RAB15: variants seen among roughly 807,000 people sequenced by gnomAD.
RAB15 encodes RAB15, member RAS oncogene family, also known as ras-related protein Rab-15.
Under a neutral mutation model 31.8 loss-of-function variants are expected in RAB15, and 13 were observed. The ratio of observed to expected loss-of-function variants is 0.41; its 90% CI spans 0.27 to 0.65. RAB15 has a LOEUF of 0.65. RAB15 is among the 30% of genes least tolerant of loss of function. The probability of loss-of-function intolerance (pLI) is 0.32; values close to 1 mark genes in which losing one functional copy is unlikely to be tolerated. For missense variants in RAB15, 220 were observed against 277.3 expected, an observed-to-expected ratio of 0.79 and a Z score of 1.47; for synonymous variants, 100 against 105.6, an observed-to-expected ratio of 0.95 and a Z score of 0.33.
rs2140010978 is a variant in RAB15, at chr14:64,972,264, C to T, written c.-188G>A. ...CGCTGGGTGCCGGGAAGCGCGGCTG[C>T]GGCGGGAGCCCGGCGCGGCGCCCGC... On this transcript the variant is annotated 5_prime_UTR_variant, in exon 1 of 7. Transcript: ENST00000533601. This position sits in a 1 kb window ranked among gnomAD's most constrained non-coding sequence, Gnocchi z 6.3. 1 of 223,126 alleles carries T rather than the reference C, an allele frequency of 4.5e-6. No homozygotes were observed. The highest frequency in any genetic ancestry group is 7.4e-6 in the Non-Finnish European group (1 of 135,440). 13.8% of individuals were successfully genotyped at this position (223,126 alleles called of 1,614,324 possible). A position where few individuals can be genotyped will look rare whatever the true frequency, so the allele number is the denominator to read the frequency against.
chr14:64,951,772 A>G lies in RAB15; in HGVS notation c.186-109T>C. Reference sequence around the variant, plus strand: ...GAAAAACTGGGGAGCTAAAGGGTGAAAAACCAGGGATGCTTGGATCCCCAC... The same window carrying G: ...GAAAAACTGGGGAGCTAAAGGGTGAGAAACCAGGGATGCTTGGATCCCCAC... On this transcript the variant is annotated intron_variant, in intron 2 of 6. Coordinates refer to ENST00000533601, the MANE Select transcript of RAB15 (RefSeq NM_001308154.2). This position sits in a 1 kb window ranked among gnomAD's most constrained non-coding sequence, Gnocchi z 7.2. 1 of 914,526 alleles carries G rather than the reference A, an allele frequency of 1.1e-6. No homozygotes were observed. The highest frequency in any genetic ancestry group is 1.3e-5 in the South Asian group (1 of 75,096). 56.7% of individuals were successfully genotyped at this position (914,526 alleles called of 1,614,324 possible).
rs781215341 is a variant in RAB15, at chr14:64,951,083, G to A, written c.315C>T (p.Asp105=). 4.0e-5 allele frequency: 64 copies of A among 1,612,848 alleles called. 1 individual carries two copies. Among genetic ancestry groups the A allele is most frequent in the Middle Eastern group, 1.6e-4 (1 of 6,084 alleles). ...AGGTGGCATCTCCTACCTCATCCAC[G>A]TCACTGACCCACTTCATGATGTGCT... The part of the protein sequence containing the change: ...SYQHIMKWVS[D]VDEYAPEGVQ... The change falls in exon 4 of 7, where the codon GAC becomes GAT. Residue 105 remains aspartate, a synonymous_variant. Transcript: ENST00000533601. The surrounding 1 kb of genome is among the most constrained non-coding windows in gnomAD (Gnocchi z 7.2).
intron 1 of RAB15, among the ~76,000 whole-genome samples, chr14:64,965,331 T>C (rs1887078777): frequency 6.6e-6 from 1 of 152,112 alleles, no homozygotes; most frequent in African/African-American, 2.4e-5. Context: ...TGGTGGTGCA[T>C]GCTTGTAATC....
At chr14:64,967,610 A>T (rs1887207306) in intron 1 of RAB15, among the ~76,000 whole-genome samples, 1 of 151,764 alleles carries the variant, frequency 6.6e-6, no homozygotes, top group African/African-American at 2.4e-5. Context: ...AGAAAAGAAA[A>T]GAAAACCAAC....
chr14:64,970,649 TAAC>T lies in RAB15; in HGVS notation c.124+1301_124+1303del, dbSNP rs1282996801. On this transcript the variant is annotated intron_variant, in intron 1 of 6. Coordinates refer to ENST00000533601, the MANE Select transcript of RAB15 (RefSeq NM_001308154.2). This position sits in a 1 kb window ranked among gnomAD's most constrained non-coding sequence, Gnocchi z 4.1. ...CATGTGTCTGGCTGTGCTAAGCACT[TAAC>T]AATCGTTATCTCATTTAATCTTGAC... 3.3e-5 allele frequency among the ~76,000 whole-genome samples: 5 copies of T among 152,226 alleles called. No individual in the cohort carries two copies. In the East Asian group the frequency reaches 9.6e-4, roughly 29 times the overall value.
chr14:64,954,202 G>T lies in RAB15; in HGVS notation c.125-1631C>A. The T allele has an allele frequency of 1.0e-6, 1 of 985,420 alleles. No homozygotes were observed. The allele number at this position is 985,420 out of a possible 1,614,324, so 61.0% of individuals were successfully genotyped here. A position where few individuals can be genotyped will look rare whatever the true frequency, so the allele number is the denominator to read the frequency against. On this transcript the variant is annotated intron_variant, in intron 1 of 6. Coordinates refer to ENST00000533601, the MANE Select transcript of RAB15 (RefSeq NM_001308154.2). This position sits in a 1 kb window ranked among gnomAD's most constrained non-coding sequence, Gnocchi z 4.3. The stretch of plus-strand genomic sequence containing the variant: ...GTACTTTTCCAAATGGGCAATGCCT[G>T]GCAGCCATTCTTCCATGTGTGCAGA...
chr14:64,961,365 TG>T lies in RAB15; in HGVS notation c.125-8795del, dbSNP rs1886847412. On this transcript the variant is annotated intron_variant, in intron 1 of 6. Transcript: ENST00000533601. ...CACACAGGGATCCCGGGAGCTGATA[TG>T]GTTTGGCTGTGTCCTCACCCAAATC... Among the ~76,000 whole-genome samples the T allele has an allele frequency of 2.0e-5, 3 of 152,186 alleles. No homozygotes were observed. The South Asian group carries it at 6.2e-4, about 32-fold the overall frequency.
At position 64,968,451 on chromosome 14, in the gene RAB15, C is replaced by G. The variant is rs184074103; in HGVS notation, c.124+3502G>C. Reference sequence around the variant, plus strand: ...AGTCGTGGGAATAGCACTCACCCATCCCATCCATCGCCATTCTCCGGCTGC... The same window carrying G: ...AGTCGTGGGAATAGCACTCACCCATGCCATCCATCGCCATTCTCCGGCTGC... On this transcript the variant is annotated intron_variant, in intron 1 of 6. Transcript: ENST00000533601. This position sits in a 1 kb window ranked among gnomAD's most constrained non-coding sequence, Gnocchi z 4.9. 8.5e-5 allele frequency among the ~76,000 whole-genome samples: 13 copies of G among 152,316 alleles called. No individual in the cohort carries two copies. The East Asian group carries it at 2.5e-3, about 29-fold the overall frequency.
chr14:64,954,314 A>G lies in RAB15; in HGVS notation c.125-1743T>C. ...CAGGAGTATGCTTATTTCTGCCTGG[A>G]TCAACGGTTATCAGGCACCTGTTTC... On this transcript the variant is annotated intron_variant, in intron 1 of 6. Transcript: ENST00000533601. The surrounding 1 kb of genome is among the most constrained non-coding windows in gnomAD (Gnocchi z 4.3). 1.0e-6 allele frequency: 1 copy of G among 985,420 alleles called. No homozygotes were observed. Among genetic ancestry groups the G allele is most frequent in the Non-Finnish European group, 1.2e-6 (1 of 829,922 alleles). The allele number at this position is 985,420 out of a possible 1,614,324, so 61.0% of individuals were successfully genotyped here.
chr14:64,953,179 T>A lies in RAB15; in HGVS notation c.125-608A>T, dbSNP rs915706434. On this transcript the variant is annotated intron_variant, in intron 1 of 6. Coordinates refer to ENST00000533601, the MANE Select transcript of RAB15 (RefSeq NM_001308154.2). The surrounding 1 kb of genome is among the most constrained non-coding windows in gnomAD (Gnocchi z 4.6). ...TCATTCACCATAGGAGGCACTGTGG[T>A]TGACTAGAAGGAGCATGGGCTTTGG... Among the ~76,000 whole-genome samples, 2 of 152,206 alleles carry A rather than the reference T, an allele frequency of 1.3e-5. No homozygotes were observed. The highest frequency in any genetic ancestry group is 4.8e-5 in the African/African-American group (2 of 41,452).
chr14:64,950,385 A>G lies in RAB15; in HGVS notation c.354T>C (p.Leu118=). 1 of 1,614,136 alleles carries G rather than the reference A, an allele frequency of 6.2e-7. No homozygotes were observed. The highest frequency in any genetic ancestry group is 1.7e-5 in the Admixed American group (1 of 60,022). The part of the protein sequence containing the change: ...EYAPEGVQKI[L]IGNKADEEQK... The stretch of plus-strand genomic sequence containing the variant: ...GCTCCTCATCAGCCTTATTCCCAAT[A>G]AGGATCTTCTGGACGCCTTCTGGTG... The change falls in exon 5 of 7, where the codon CTT becomes CTC. Residue 118 remains leucine (L), a synonymous_variant. Transcript: ENST00000533601. This position sits in a 1 kb window ranked among gnomAD's most constrained non-coding sequence, Gnocchi z 5.6.
At chr14:64,956,062 G>C (rs1238977399) in intron 1 of RAB15, among the ~76,000 whole-genome samples, 1 of 152,188 alleles carries the variant, frequency 6.6e-6, no homozygotes, top group Non-Finnish European at 1.5e-5. Flanking sequence ...TGTTCTCAAA[G>C]TGTGTCCCTG....
At position 64,964,326 on chromosome 14, in the gene RAB15, A is replaced by C. The variant is rs543831926; in HGVS notation, c.124+7627T>G. On this transcript the variant is annotated intron_variant, in intron 1 of 6. Transcript: ENST00000533601. ...ATCACGAGGTCAGGAGATGGAGACC[A>C]TCCTGGCCAACATGGTGAAACCCCT... 1.4e-3 allele frequency among the ~76,000 whole-genome samples: 209 copies of C among 152,026 alleles called. 2 individuals are homozygous for C. Among genetic ancestry groups the C allele is most frequent in the African/African-American group, 4.6e-3 (192 of 41,510 alleles).
intron 1 of RAB15, chr14:64,957,825 T>TTTC (rs1030016617): frequency 6.6e-6 from 1 of 151,826 alleles, no homozygotes; most frequent in African/African-American, 2.4e-5. Flanking sequence ...CTTACCACCT[T>TTTC]TTCCCACATG....
At chr14:64,964,560 C>T (rs1051500423) in intron 1 of RAB15, among the ~76,000 whole-genome samples, 1 of 148,630 alleles carries the variant, frequency 6.7e-6, no homozygotes, top group African/African-American at 2.5e-5. Context: ...GAAAAGAAAA[C>T]AAACCACTTT....
rs1043381965 is a variant in RAB15, at chr14:64,950,098, G to A, written c.414+227C>T. Among the ~76,000 whole-genome samples, 1 of 152,200 alleles carries A rather than the reference G, an allele frequency of 6.6e-6. No individual in the cohort carries two copies. The highest frequency in any genetic ancestry group is 2.4e-5 in the African/African-American group (1 of 41,450). ...GGGACCTGGACTTGGGAGAGTTGCT[G>A]CCTATGACGTCTTTGTTTCTGGATG... On this transcript the variant is annotated intron_variant, in intron 5 of 6. Coordinates refer to ENST00000533601, the MANE Select transcript of RAB15 (RefSeq NM_001308154.2). This position sits in a 1 kb window ranked among gnomAD's most constrained non-coding sequence, Gnocchi z 5.6.
intron 1 of RAB15, among the ~76,000 whole-genome samples, chr14:64,961,936 C>T (rs1192945386): frequency 2.0e-5 from 3 of 150,228 alleles, no homozygotes; most frequent in Admixed American, 6.6e-5. Flanking sequence ...AAAAACAGGC[C>T]GGGCGTGGTG....
intron 1 of RAB15, among the ~76,000 whole-genome samples, chr14:64,956,536 G>C (rs1254366849): frequency 6.6e-6 from 1 of 152,088 alleles, no homozygotes; most frequent in Non-Finnish European, 1.5e-5. Flanking sequence ...GTTTCAATAA[G>C]CTCTCACAGT....
Position 64,971,696 on chromosome 14 carries a change from G to A in RAB15, c.124+257C>T. 2 of 528,300 alleles carry A rather than the reference G, an allele frequency of 3.8e-6. No homozygotes were observed. The highest frequency in any genetic ancestry group is 3.4e-6 in the Non-Finnish European group (1 of 293,314). The allele number at this position is 528,300 out of a possible 1,614,324, so 32.7% of individuals were successfully genotyped here. A position where few individuals can be genotyped will look rare whatever the true frequency, so the allele number is the denominator to read the frequency against. On this transcript the variant is annotated intron_variant, in intron 1 of 6. Coordinates refer to ENST00000533601, the MANE Select transcript of RAB15 (RefSeq NM_001308154.2). The surrounding 1 kb of genome is among the most constrained non-coding windows in gnomAD (Gnocchi z 4.1). ...GCCTACACCAGCTCCCCTCACCCCC[G>A]GTTTCTCGGTTTGATGGGACGGAAG...
Sources: allele counts gnomAD v4.1 joint callset (sites outside exome capture counted in the v4.1 genomes callset), GRCh38; gene constraint gnomAD v4.1.1; non-coding constraint Gnocchi (gnomAD v3.1); transcripts MANE v1.5; gene names NCBI Gene and HGNC (gene_info 2026-07-23, HGNC 2026-07-21).